The following ALDH9A1 variants were observed in gnomAD, a reference collection of about 807,000 sequenced individuals.
ALDH9A1 encodes 4-trimethylaminobutyraldehyde dehydrogenase.
Under a neutral mutation model 56.6 loss-of-function variants are expected in ALDH9A1, and 42 were observed. The ratio of observed to expected loss-of-function variants is 0.74; its 90% CI spans 0.58 to 0.96. ALDH9A1 has a LOEUF of 0.96. Among genes scored for constraint, ALDH9A1 ranks in the 40% least tolerant of loss-of-function variants. ALDH9A1 has a pLI of 0.00. For synonymous variants in ALDH9A1, 242 were observed against 236.0 expected (o/e 1.03, Z -0.23); for missense variants, 661 against 651.5 (o/e 1.01, Z -0.16).
At chr1:165,690,969 G>A (rs2101756012) in intron 2 of ALDH9A1, among the ~76,000 whole-genome samples, 1 of 152,328 alleles carries the variant, frequency 6.6e-6, no homozygotes, top group African/African-American at 2.4e-5. Flanking sequence ...GGAAACTTCT[G>A]CAGACTTAAA....
chr1:165,683,813 G>C (rs982600787), intron 2 of ALDH9A1, among the ~76,000 whole-genome samples: 2 of 152,166 alleles, frequency 1.3e-5, no homozygotes, highest in African/African-American at 4.8e-5. Flanking sequence ...GAGCTTAAAG[G>C]TTTAGGAAAT....
intron 6 of ALDH9A1, chr1:165,676,864 C>A (rs1222479596): frequency 3.6e-5 from 9 of 253,116 alleles, no homozygotes; most frequent in African/African-American, 1.8e-4. Flanking sequence ...TGTCCTCTCC[C>A]CCAAAAAAAT....
intron 2 of ALDH9A1, among the ~76,000 whole-genome samples, chr1:165,685,816 C>T: frequency 6.6e-6 from 1 of 152,200 alleles, no homozygotes; most frequent in East Asian, 1.9e-4. Flanking sequence ...TGGCACTGTA[C>T]AAGACAAACC....
Position 165,698,537 on chromosome 1 carries a change from C to G in ALDH9A1, c.22G>C (p.Ala8Pro), listed in dbSNP as rs776047033. Residue 8 changes from alanine (A) to proline (P), a missense_variant, in exon 1 of 11, where the codon GCC becomes CCC. Physicochemically the swap from Ala to Pro is conservative, Grantham distance 27 (BLOSUM62 -1). Coordinates refer to ENST00000354775, the MANE Select transcript of ALDH9A1 (RefSeq NM_000696.4). MFLRAGL[A>P]ALSPLLRSLR... is the part of the protein sequence containing the mutation. ...CTGCGAAGAAGCGGGGAGAGCGCGG[C>G]CAGGCCTGCTCGGAGAAACATGAGT... The G allele has an allele frequency of 5.6e-6, 9 of 1,609,266 alleles. No homozygotes were observed. In the South Asian group the frequency reaches 9.9e-5, roughly 18 times the overall value.
intron 2 of ALDH9A1, 125 bp from the exon 3 acceptor site, chr1:165,683,235 A>G (rs1485176062): frequency 5.9e-6 from 6 of 1,025,312 alleles, no homozygotes; most frequent in Non-Finnish European, 8.7e-6. Context: ...AAATGAAAAG[A>G]AATGGCAGTG....
At chr1:165,675,634 G>T (rs976097909) in intron 6 of ALDH9A1, among the ~76,000 whole-genome samples, 1 of 152,110 alleles carries the variant, frequency 6.6e-6, no homozygotes, top group African/African-American at 2.4e-5. Context: ...CTGATGTTTA[G>T]AACCATGTTT....
chr1:165,666,584 T>G (rs1277336115), intron 9 of ALDH9A1, among the ~76,000 whole-genome samples: 1 of 152,102 alleles, frequency 6.6e-6, no homozygotes, highest in African/African-American at 2.4e-5. Flanking sequence ...AGAGAAGCAA[T>G]TACATCAGGT....
At chr1:165,674,945 C>T (rs1014413904) in intron 6 of ALDH9A1, among the ~76,000 whole-genome samples, 11 of 152,230 alleles carry the variant, frequency 7.2e-5, no homozygotes, top group Admixed American at 7.2e-4. Context: ...TATAATCCCA[C>T]ACTTTGGAAG....
intron 9 of ALDH9A1, 142 bp from the exon 10 acceptor site, chr1:165,665,272 T>A (rs1311366503): frequency 1.6e-5 from 11 of 687,616 alleles, no homozygotes; most frequent in Non-Finnish European, 2.7e-5. Flanking sequence ...TCTTTTATCA[T>A]CCAGGCAAAA....
chr1:165,687,396 G>T (rs1024114092), intron 2 of ALDH9A1, among the ~76,000 whole-genome samples: 1 of 150,146 alleles, frequency 6.7e-6, no homozygotes, highest in African/African-American at 2.5e-5. Context: ...TACATATGAA[G>T]AAAACTGCAC....
intron 2 of ALDH9A1, among the ~76,000 whole-genome samples, chr1:165,690,477 C>T (rs7541817): frequency 0.37 from 55,605 of 151,986 alleles, 10,352 homozygotes; most frequent in East Asian, 0.59. Context: ...GGAGCAGCTC[C>T]GATCTGCATC....
chr1:165,666,058 C>A (rs542754864), intron 9 of ALDH9A1, among the ~76,000 whole-genome samples: 1 of 152,110 alleles, frequency 6.6e-6, no homozygotes, highest in Admixed American at 6.6e-5. Context: ...ATCCATACCA[C>A]GGAATATTAT....
rs2101746388 is a variant in ALDH9A1, at chr1:165,679,523, A to G, written c.849T>C (p.Ser283=). The G allele has an allele frequency of 1.2e-6, 2 of 1,614,164 alleles. No individual in the cohort carries two copies. The highest frequency in any genetic ancestry group is 4.5e-5 in the East Asian group (2 of 44,878). Residue 283 remains serine (S), a synonymous_variant, in exon 6 of 11, where the codon TCT becomes TCC. Coordinates refer to ENST00000354775, the MANE Select transcript of ALDH9A1 (RefSeq NM_000696.4). ...KPVTLELGGK[S]PLIIFSDCDM... ...CACAGTCTGAGAAGATGATGAGTGG[A>G]GATTTGCCTCCAAGTTCCAAGGTAA... is the stretch of plus-strand genomic sequence containing the variant.
At chr1:165,693,620 C>A (rs1293086165) in intron 2 of ALDH9A1, among the ~76,000 whole-genome samples, 1 of 152,188 alleles carries the variant, frequency 6.6e-6, no homozygotes. Flanking sequence ...GTTGGTGGGA[C>A]TGTAAACTAG....
chr1:165,695,127 T>A, intron 2 of ALDH9A1, 125 bp downstream of exon 2: 1 of 1,115,176 alleles, frequency 9.0e-7, no homozygotes, highest in Non-Finnish European at 1.2e-6. Flanking sequence ...GGTGAGCATG[T>A]GGAAATGTTT....
chr1:165,669,769 A>T (rs1649120369), intron 6 of ALDH9A1, among the ~76,000 whole-genome samples: 1 of 152,140 alleles, frequency 6.6e-6, no homozygotes, highest in Non-Finnish European at 1.5e-5. Flanking sequence ...TCAGGGCTCA[A>T]TCTGGCTGTA....
At chr1:165,680,072 TTG>T (rs1308591847) in intron 5 of ALDH9A1, among the ~76,000 whole-genome samples, 4 of 127,046 alleles carry the variant, frequency 3.1e-5, no homozygotes, top group Non-Finnish European at 5.4e-5. Context: ...AGAAATTCTT[TTG>T]TGTTATTGTT....
rs766584363 is a variant in ALDH9A1 at position 165,682,969 on chromosome 1, G to C, written c.457+12C>G. ...ATTATCAGCTGGTCACAGACACCAG[G>C]TGAGGACTTACCAGCCATGGATGCA... On this transcript the variant is annotated intron_variant, in intron 3 of 10. Coordinates refer to ENST00000354775, the MANE Select transcript of ALDH9A1 (RefSeq NM_000696.4). The C allele has an allele frequency of 4.3e-6, 7 of 1,612,928 alleles. No homozygotes were observed. The highest frequency in any genetic ancestry group is 2.7e-5 in the African/African-American group (2 of 74,846).
Position 165,665,082 on chromosome 1 carries a change from C to T in ALDH9A1, c.1398G>A (p.Thr466=), listed in dbSNP as rs762836244. The T allele has an allele frequency of 8.7e-6, 14 of 1,613,882 alleles. No homozygotes were observed. Among genetic ancestry groups the T allele is most frequent in the Admixed American group, 8.3e-5 (5 of 59,982 alleles). The change falls in exon 10 of 11, where the codon ACG becomes ACA. Residue 466 remains threonine (T), a synonymous_variant. Transcript: ENST00000354775. The stretch of plus-strand genomic sequence containing the variant: ...TGACGTTATAGTTGTTAATGAAGCA[C>T]GTCCCAGCCTGAAGCTCAGCTACCA... ...HRVVAELQAG[T]CFINNYNVSP...
Sources: gnomAD v4.1 joint callset for allele counts (sites outside exome capture counted in the v4.1 genomes callset) on GRCh38, gnomAD v4.1.1 for gene constraint, MANE v1.5 for transcripts, NCBI Gene and HGNC (gene_info 2026-07-23, HGNC 2026-07-21) for gene names.